The following ZNF516 variants were observed in gnomAD, a reference collection of about 807,000 sequenced individuals.
ZNF516 encodes the protein zinc finger protein 516.
A neutral mutation model predicts 79.7 loss-of-function variants in ZNF516; 19 were observed. That is an observed-to-expected ratio of 0.24 (90% CI 0.17 to 0.35). The LOEUF is 0.35. ZNF516 is among the 10% of genes least tolerant of loss of function. The pLI is 1.00. For synonymous variants in ZNF516, 877 were observed against 739.5 expected, an observed-to-expected ratio of 1.19 and a Z score of -3.02; for missense variants, 1,678 against 1,679.5, an observed-to-expected ratio of 1.00 and a Z score of 0.02.
Position 76,473,912 on chromosome 18 carries a change from G to GGT in ZNF516, c.-271-10772_-271-10771insAC, listed in dbSNP as rs1555718895. ...GTTGGTTGTTTTTGTGTGGGGGGGGGGGGGGCTTTCTTTTTGAGACAGGGT... is the reference window on the plus strand; with the variant it reads ...GTTGGTTGTTTTTGTGTGGGGGGGGGGTGGGGGCTTTCTTTTTGAGACAGGGT... On this transcript the variant is annotated intron_variant, in intron 1 of 6. Coordinates refer to ENST00000443185, the MANE Select transcript of ZNF516 (RefSeq NM_014643.4). Among the ~76,000 whole-genome samples the GGT allele has an allele frequency of 4.9e-3, 687 of 140,674 alleles. 19 individuals carry two copies. The highest frequency in any genetic ancestry group is 7.8e-3 in the Non-Finnish European group (496 of 63,372). The allele number at this position is 140,674 out of a possible 152,430, so 92.3% of individuals were successfully genotyped here.
rs1361522595 is a variant in ZNF516 at position 76,368,968 on chromosome 18, T to C, written c.3432+1560A>G. 2.0e-5 allele frequency among the ~76,000 whole-genome samples: 3 copies of C among 152,226 alleles called. No homozygotes were observed. In the East Asian group the frequency reaches 5.8e-4, roughly 29 times the overall value. On this transcript the variant is annotated intron_variant, in intron 6 of 6. Coordinates refer to ENST00000443185, the MANE Select transcript of ZNF516 (RefSeq NM_014643.4). ...AACTTGTTCCTAGATCCACCTGGCC[T>C]GGCTTCCCGCCCCTGTCAAACATTC...
intron 2 of ZNF516, among the ~76,000 whole-genome samples, chr18:76,445,257 C>CAAA (rs35777753): frequency 7.2e-6 from 1 of 139,436 alleles, no homozygotes; most frequent in Non-Finnish European, 1.6e-5. Flanking sequence ...ACTCCATCTC[C>CAAA]AAAAAAAAAA....
intron 4 of ZNF516, among the ~76,000 whole-genome samples, chr18:76,373,202 A>C (rs181383369): frequency 4.4e-4 from 67 of 151,542 alleles, no homozygotes; most frequent in Middle Eastern, 6.8e-3. Context: ...AAGAGAGAAG[A>C]AGCAAAGAGA....
intron 1 of ZNF516, chr18:76,488,087 C>A: frequency 1.0e-6 from 1 of 985,290 alleles, no homozygotes; most frequent in Non-Finnish European, 1.2e-6. Flanking sequence ...ACCTCCACAT[C>A]CCTCGGTGCC....
intron 1 of ZNF516, among the ~76,000 whole-genome samples, chr18:76,488,530 G>GGGGGAA (rs1460146175): frequency 6.6e-6 from 1 of 151,342 alleles, no homozygotes; most frequent in East Asian, 1.9e-4. Flanking sequence ...TTGAGGGGGA[G>GGGGGAA]GGGGAGGGGG....
At chr18:76,415,195 C>T (rs1049850946) in intron 3 of ZNF516, among the ~76,000 whole-genome samples, 11 of 151,518 alleles carry the variant, frequency 7.3e-5, no homozygotes, top group East Asian at 1.9e-4. Flanking sequence ...AGCAAGACTC[C>T]GTCTCAAAAA....
At chr18:76,403,129 T>C (rs1157474102) in intron 3 of ZNF516, among the ~76,000 whole-genome samples, 1 of 152,240 alleles carries the variant, frequency 6.6e-6, no homozygotes, top group Non-Finnish European at 1.5e-5. Flanking sequence ...TAATTACCCA[T>C]GTTTATCTAC....
At chr18:76,482,577 T>C (rs1914587529) in intron 1 of ZNF516, among the ~76,000 whole-genome samples, 1 of 152,242 alleles carries the variant, frequency 6.6e-6, no homozygotes, top group South Asian at 2.1e-4. Context: ...TAGGTGAGGC[T>C]ATGTTACCAT....
At chr18:76,468,300 A>G (rs1217518687) in intron 1 of ZNF516, among the ~76,000 whole-genome samples, 1 of 152,196 alleles carries the variant, frequency 6.6e-6, no homozygotes, top group Admixed American at 6.5e-5. Context: ...TCTCTGGACA[A>G]TTTAAAGTCC....
rs185563403 is a variant in ZNF516, at chr18:76,473,568, A to G, written c.-271-10427T>C. Among the ~76,000 whole-genome samples the G allele has an allele frequency of 7.6e-3, 1,164 of 152,176 alleles. 7 individuals carry two copies. Among genetic ancestry groups the G allele is most frequent in the Non-Finnish European group, 0.012 (827 of 67,970 alleles). On this transcript the variant is annotated intron_variant, in intron 1 of 6. Transcript: ENST00000443185. ...TGTAATCACAGCACTTTGGGAGGCC[A>G]AGGTGGGCGGATCACGAGGTCAGGA...
intron 2 of ZNF516, among the ~76,000 whole-genome samples, chr18:76,444,508 A>G (rs1312926375): frequency 2.0e-5 from 3 of 152,188 alleles, no homozygotes; most frequent in African/African-American, 7.2e-5. Context: ...AAGCAGCTCC[A>G]TATTTCCGGC....
rs139716105 is a variant in ZNF516, at chr18:76,451,210, A to C, written c.-157-7999T>G. On this transcript the variant is annotated intron_variant, in intron 2 of 6. Transcript: ENST00000443185. This position sits in a 1 kb window ranked among gnomAD's most constrained non-coding sequence, Gnocchi z 6.0. Reference sequence around the variant, plus strand: ...TTGGCATTTTTTTCAGTTCTGGTTCATGAATTAACCTTATCGCGGTCCCGA... The same window carrying C: ...TTGGCATTTTTTTCAGTTCTGGTTCCTGAATTAACCTTATCGCGGTCCCGA... 5.3e-5 allele frequency among the ~76,000 whole-genome samples: 8 copies of C among 152,248 alleles called. No individual in the cohort carries two copies. The East Asian group carries it at 1.2e-3, about 22-fold the overall frequency.
intron 3 of ZNF516, chr18:76,388,415 A>ACC (rs1353956371): frequency 6.6e-6 from 1 of 152,076 alleles, no homozygotes; most frequent in South Asian, 2.1e-4. Context: ...TCTGCTTGCT[A>ACC]CCCCTCCTGT....
chr18:76,378,447 G>A (rs891659513), intron 4 of ZNF516, among the ~76,000 whole-genome samples: 4 of 152,186 alleles, frequency 2.6e-5, no homozygotes, highest in African/African-American at 9.7e-5. Context: ...CTTGTCTTTT[G>A]AGAGACAGGA....
intron 5 of ZNF516, among the ~76,000 whole-genome samples, chr18:76,370,855 G>A (rs867791254): frequency 1.3e-5 from 2 of 152,148 alleles, no homozygotes; most frequent in Admixed American, 6.5e-5. Flanking sequence ...TGTGTGTAAG[G>A]GACCCTCTTC....
rs1911801094 is a variant in ZNF516 at position 76,442,914 on chromosome 18, G to A, written c.141C>T (p.Ser47=). The part of the protein sequence containing the change: ...CICGKSFPFQ[S]SLSQHMRKHT... ...GCTTGCGCATGTGCTGCGAAAGCGA[G>A]CTCTGGAAGGGGAAGCTCTTGCCGC... Residue 47 remains serine, a synonymous_variant, in exon 3 of 7, where the codon AGC becomes AGT. Coordinates refer to ENST00000443185, the MANE Select transcript of ZNF516 (RefSeq NM_014643.4). 1.2e-6 allele frequency: 2 copies of A among 1,613,106 alleles called. No individual in the cohort carries two copies. Among genetic ancestry groups the A allele is most frequent in the Non-Finnish European group, 1.7e-6 (2 of 1,179,804 alleles).
chr18:76,458,795 C>T (rs192447035), intron 2 of ZNF516, among the ~76,000 whole-genome samples: 61 of 145,288 alleles, frequency 4.2e-4, no homozygotes, highest in South Asian at 1.1e-3. Flanking sequence ...CACCGTCGTG[C>T]GTGTGCGTGC....
At chr18:76,469,193 C>T (rs1913678777) in intron 1 of ZNF516, among the ~76,000 whole-genome samples, 1 of 152,130 alleles carries the variant, frequency 6.6e-6, no homozygotes, top group South Asian at 2.1e-4. Flanking sequence ...AAGTTTTTGC[C>T]TTCTCCCAGC....
intron 3 of ZNF516, among the ~76,000 whole-genome samples, chr18:76,429,311 G>A (rs2145440686): frequency 6.6e-6 from 1 of 152,232 alleles, no homozygotes; most frequent in East Asian, 1.9e-4. Context: ...CCTGGCCTGG[G>A]ATTTTGTCCA....
Sources: gnomAD v4.1 joint callset for allele counts (sites outside exome capture counted in the v4.1 genomes callset) on GRCh38, gnomAD v4.1.1 for gene constraint, Gnocchi (gnomAD v3.1) non-coding constraint, MANE v1.5 for transcripts, NCBI Gene and HGNC (gene_info 2026-07-23, HGNC 2026-07-21) for gene names.